The following SLC45A4 variants were observed in gnomAD, a reference collection of about 807,000 sequenced individuals.
The protein encoded by SLC45A4 is solute carrier family 45 member 4.
SLC45A4 carries 32 observed loss-of-function variants against 63.7 expected under a neutral mutation model. The ratio of observed to expected loss-of-function variants is 0.50; its 90% confidence interval spans 0.38 to 0.67. The LOEUF is 0.67. Among genes scored for constraint, SLC45A4 ranks in the 30% least tolerant of loss-of-function variants. SLC45A4 has a pLI of 0.00. For missense variants in SLC45A4, 1,027 were observed against 1,157.7 expected (o/e 0.89, Z 1.64); for synonymous variants, 535 against 510.0 (o/e 1.05, Z -0.66).
At chr8:141,276,380 G>C (rs1829728671) in intron 1 of SLC45A4, among the ~76,000 whole-genome samples, 1 of 152,194 alleles carries the variant, frequency 6.6e-6, no homozygotes, top group South Asian at 2.1e-4. Context: ...GATGCGAGCA[G>C]CTCCTGAAGC....
At chr8:141,285,491 G>T (rs151023220) in intron 1 of SLC45A4, among the ~76,000 whole-genome samples, 1 of 152,328 alleles carries the variant, frequency 6.6e-6, no homozygotes, top group Non-Finnish European at 1.5e-5. Context: ...TCTGCGGAAG[G>T]ACCCCACTTC....
chr8:141,230,834 A>C (rs1213035992), intron 2 of SLC45A4, among the ~76,000 whole-genome samples: 1 of 152,232 alleles, frequency 6.6e-6, no homozygotes. Flanking sequence ...TGGTGAGTGC[A>C]TTCTGCCAGC....
chr8:141,266,663 T>C (rs1829280746), intron 1 of SLC45A4, among the ~76,000 whole-genome samples: 1 of 152,142 alleles, frequency 6.6e-6, no homozygotes, highest in African/African-American at 2.4e-5. Flanking sequence ...GCAAAAGACA[T>C]ATCTGATAAA....
In SLC45A4 at chr8:141,256,649, C is replaced by T. The variant is rs1425540814; in HGVS notation, c.-400-2020G>A. ...GCTGCAGCGGAAACCAGAATGCCTA[C>T]TAATTCCTTAAGAACCAAAGGTTCA... On this transcript the variant is annotated intron_variant, in intron 1 of 8. Coordinates refer to ENST00000517878, the MANE Select transcript of SLC45A4 (RefSeq NM_001286646.2). The surrounding 1 kb of genome is among the most constrained non-coding windows in gnomAD (Gnocchi z 4.3). The T allele has an allele frequency of 2.2e-6, 1 of 456,236 alleles. No individual in the cohort carries two copies. The highest frequency in any genetic ancestry group is 4.4e-6 in the Non-Finnish European group (1 of 226,902). The allele number at this position is 456,236 out of a possible 1,614,324, so 28.3% of individuals were successfully genotyped here.
intron 1 of SLC45A4, among the ~76,000 whole-genome samples, chr8:141,260,889 T>G (rs1829015632): frequency 6.6e-6 from 1 of 152,196 alleles, no homozygotes; most frequent in African/African-American, 2.4e-5. Context: ...GCCAGCATCA[T>G]CCTGATACCA....
At chr8:141,216,195 T>C (rs1231285236) in intron 6 of SLC45A4, among the ~76,000 whole-genome samples, 1 of 152,130 alleles carries the variant, frequency 6.6e-6, no homozygotes, top group Non-Finnish European at 1.5e-5. Flanking sequence ...AGACAGAAAT[T>C]GGCCCTCCTT....
At chr8:141,212,072 C>T (rs865874090) in intron 8 of SLC45A4, 125 bp downstream of exon 8, 89 of 1,409,716 alleles carry the variant, frequency 6.3e-5, no homozygotes, top group Non-Finnish European at 7.7e-5. Flanking sequence ...CCCGCACTGC[C>T]GGGTCGGCCA....
intron 1 of SLC45A4, among the ~76,000 whole-genome samples, chr8:141,296,101 T>A (rs34510023): frequency 1.3e-5 from 2 of 152,044 alleles, no homozygotes; most frequent in Non-Finnish European, 2.9e-5. Flanking sequence ...GAGGCTGTGG[T>A]GGGCGGATCA....
intron 1 of SLC45A4, among the ~76,000 whole-genome samples, chr8:141,268,800 C>A (rs571819443): frequency 6.6e-6 from 1 of 152,302 alleles, no homozygotes; most frequent in East Asian, 1.9e-4. Context: ...CCTGCTTACA[C>A]CTGAACAAAG....
chr8:141,221,432 CGCCAGGGTG>C (rs1473121301), intron 3 of SLC45A4, 136 bp downstream of exon 3: 2 of 1,048,530 alleles, frequency 1.9e-6, no homozygotes. Flanking sequence ...GGGTGGTCAC[CGCCAGGGTG>C]GCCCCGGCAG....
chr8:141,261,321 G>T (rs1441593317), intron 1 of SLC45A4, among the ~76,000 whole-genome samples: 1 of 152,156 alleles, frequency 6.6e-6, no homozygotes, highest in African/African-American at 2.4e-5. Flanking sequence ...ACAAGACAGG[G>T]ATGCCCTCTC....
rs1262082557 is a variant in SLC45A4 at position 141,278,949 on chromosome 8, G to A, written c.-400-24320C>T. The stretch of plus-strand genomic sequence containing the variant: ...CTCAGCCTGCTCTGTCCCCTTCAAG[G>A]CCAGACAAGCAAAGCCCCAGCCCCC... On this transcript the variant is annotated intron_variant, in intron 1 of 8. Coordinates refer to ENST00000517878, the MANE Select transcript of SLC45A4 (RefSeq NM_001286646.2). This position sits in a 1 kb window ranked among gnomAD's most constrained non-coding sequence, Gnocchi z 4.1. Among the ~76,000 whole-genome samples the A allele has an allele frequency of 6.6e-6, 1 of 152,186 alleles. No homozygotes were observed. Among genetic ancestry groups the A allele is most frequent in the Non-Finnish European group, 1.5e-5 (1 of 68,024 alleles).
chr8:141,218,874 C>T lies in SLC45A4; in HGVS notation c.766G>A (p.Glu256Lys). 6.2e-7 allele frequency: 1 copy of T among 1,613,578 alleles called. No homozygotes were observed. Among genetic ancestry groups the T allele is most frequent in the Non-Finnish European group, 8.5e-7 (1 of 1,179,932 alleles). Residue 256 changes from glutamate (E) to lysine (K), a missense_variant, in exon 5 of 9, where the codon GAG becomes AAG. Physicochemically the swap from Glu to Lys is moderately conservative, Grantham distance 56. Coordinates refer to ENST00000517878, the MANE Select transcript of SLC45A4 (RefSeq NM_001286646.2). Reference protein sequence around the residue: ...VALHLFSIDEEQYSPQQERSA... With the variant: ...VALHLFSIDEKQYSPQQERSA... Reference sequence around the variant, plus strand: ...CGCTCCTGCTGCGGGCTGTACTGCTCCTCGTCGATGCTGAACAGGTGCAGG... The same window carrying T: ...CGCTCCTGCTGCGGGCTGTACTGCTTCTCGTCGATGCTGAACAGGTGCAGG...
intron 2 of SLC45A4, chr8:141,224,824 G>C (rs1338576462): frequency 6.6e-6 from 1 of 152,300 alleles, no homozygotes; most frequent in Non-Finnish European, 1.5e-5. Context: ...AGACCTTTGA[G>C]ATCATCCCTC....
chr8:141,259,305 G>A (rs1828950957), intron 1 of SLC45A4, among the ~76,000 whole-genome samples: 1 of 152,242 alleles, frequency 6.6e-6, no homozygotes, highest in African/African-American at 2.4e-5. Flanking sequence ...GGACACTGCT[G>A]ACCCAGCCCG....
chr8:141,233,512 C>T (rs1002731708), intron 2 of SLC45A4, among the ~76,000 whole-genome samples: 1 of 152,078 alleles, frequency 6.6e-6, no homozygotes, highest in Non-Finnish European at 1.5e-5. Flanking sequence ...TAAAACCCCA[C>T]CACCTGCAGC....
intron 1 of SLC45A4, among the ~76,000 whole-genome samples, chr8:141,267,002 T>C (rs1205606254): frequency 4.6e-5 from 7 of 152,220 alleles, no homozygotes; most frequent in South Asian, 4.1e-4. Context: ...AGTAGGCACA[T>C]AGTCAAGCAA....
intron 2 of SLC45A4, among the ~76,000 whole-genome samples, chr8:141,240,677 C>A (rs1213735424): frequency 6.6e-6 from 1 of 152,184 alleles, no homozygotes; most frequent in Non-Finnish European, 1.5e-5. Context: ...AGGTAGAGGT[C>A]AGAGGTTGCA....
intron 2 of SLC45A4, among the ~76,000 whole-genome samples, chr8:141,222,714 G>A (rs1295427658): frequency 2.0e-5 from 3 of 152,248 alleles, no homozygotes; most frequent in African/African-American, 4.8e-5. Flanking sequence ...CACTCACAGC[G>A]CTGAGCGAAG....
Sources: gnomAD v4.1 joint callset for allele counts (sites outside exome capture counted in the v4.1 genomes callset) on GRCh38, gnomAD v4.1.1 for gene constraint, Gnocchi (gnomAD v3.1) non-coding constraint, MANE v1.5 for transcripts, NCBI Gene and HGNC (gene_info 2026-07-23, HGNC 2026-07-21) for gene names.